Variants in PSME4 observed in about 807,000 individuals in gnomAD.
PSME4 encodes the protein proteasome activator subunit 4.
In PSME4, 89 loss-of-function variants were observed where a neutral mutation model predicts 253.9. The ratio of observed to expected loss-of-function variants is 0.35; its 90% CI spans 0.30 to 0.42. The LOEUF (loss-of-function observed/expected upper bound fraction) is 0.42. PSME4 is among the 10% of genes least tolerant of loss of function. The probability of loss-of-function intolerance (pLI) is 1.00; values close to 1 mark genes in which losing one functional copy is unlikely to be tolerated. For synonymous variants in PSME4, 851 were observed against 759.2 expected (o/e 1.12, Z -1.99); for missense variants, 2,014 against 2,195.2 (o/e 0.92, Z 1.65).
intron 1 of PSME4, among the ~76,000 whole-genome samples, chr2:53,967,259 A>G (rs755275156): frequency 1.1e-4 from 17 of 152,268 alleles, no homozygotes; most frequent in South Asian, 6.2e-4. Context: ...CCTCTATCAC[A>G]TGGCCAAGTA....
In PSME4 at chr2:53,920,345, C is replaced by T; in HGVS notation, c.2268G>A (p.Trp756Ter). 6.2e-7 allele frequency: 1 copy of T among 1,611,368 alleles called. No individual in the cohort carries two copies. Among genetic ancestry groups the T allele is most frequent in the Non-Finnish European group, 8.5e-7 (1 of 1,178,508 alleles). ...PPSEYFPIKD[W>*]GKPGDLWNLG... ...GATTCCACAAGTCCCCGGGTTTGCC[C>T]CAGTCCTAGAAGAGAACAGCATCTA... Residue 756 changes from tryptophan (W) to a stop codon, truncating the protein, a stop_gained, in exon 19 of 47, where the codon TGG becomes TGA. Transcript: ENST00000404125. LOFTEE classifies it high-confidence loss of function.
intron 43 of PSME4, 187 bp from the exon 44 acceptor site, chr2:53,869,725 G>T: frequency 2.4e-6 from 1 of 411,056 alleles, no homozygotes; most frequent in African/African-American, 2.0e-5. Context: ...GCCTCATAAT[G>T]GATAAAAACT....
chr2:53,930,019 AAATAAATAAAT>A lies in PSME4; in HGVS notation c.1317-1727_1317-1717del, dbSNP rs1668749411. ...GGCAACAGAGCAAGAGTCTGTCTCTAAATAAATAAATAATAAATAAATAAATAAATAAATAA... is the reference window on the plus strand; with the variant it reads ...GGCAACAGAGCAAGAGTCTGTCTCTAAATAAATAAATAAATAAATAAATAA... On this transcript the variant is annotated intron_variant, in intron 10 of 46. Coordinates refer to ENST00000404125, the MANE Select transcript of PSME4 (RefSeq NM_014614.3). 4.6e-5 allele frequency among the ~76,000 whole-genome samples: 7 copies of A among 151,788 alleles called. No individual in the cohort carries two copies. The South Asian group carries it at 1.5e-3, about 32-fold the overall frequency.
rs1667763978 is a variant in PSME4, at chr2:53,910,150, C to T, written c.2517-20G>A. 3 of 1,591,126 alleles carry T rather than the reference C, an allele frequency of 1.9e-6. No homozygotes were observed. The highest frequency in any genetic ancestry group is 1.1e-5 in the South Asian group (1 of 90,628). On this transcript the variant is annotated intron_variant, in intron 20 of 46. Coordinates refer to ENST00000404125, the MANE Select transcript of PSME4 (RefSeq NM_014614.3). ...GGTACTCTGTATAAAAACAAGAGTG[C>T]TTGCATTTATTAATAATACCAATAT...
chr2:53,919,288 A>G (rs757858623), intron 19 of PSME4, 42 bp from the exon 20 acceptor site: 20 of 1,540,416 alleles, frequency 1.3e-5, no homozygotes, highest in Non-Finnish European at 1.7e-5. Flanking sequence ...CCAAATCCCT[A>G]TTTAATAAGC....
chr2:53,909,085 T>C (rs1409001603), intron 21 of PSME4, among the ~76,000 whole-genome samples: 1 of 151,856 alleles, frequency 6.6e-6, no homozygotes, highest in Non-Finnish European at 1.5e-5. Context: ...TAATAAAAAA[T>C]AGATAAAATG....
chr2:53,930,569 TGTAAAAATA>T (rs1668779896), intron 10 of PSME4, among the ~76,000 whole-genome samples: 2 of 152,282 alleles, frequency 1.3e-5, no homozygotes, highest in South Asian at 4.1e-4. Context: ...AAGATGTATA[TGTAAAAATA>T]GGAGAAGTTG....
intron 1 of PSME4, among the ~76,000 whole-genome samples, chr2:53,963,015 A>G (rs534496485): frequency 5.9e-5 from 9 of 151,968 alleles, no homozygotes; most frequent in Admixed American, 5.2e-4. Flanking sequence ...GTGTCAAAAA[A>G]AAAAAAAAAA....
intron 4 of PSME4, among the ~76,000 whole-genome samples, chr2:53,938,808 T>C (rs1450825069): frequency 6.6e-6 from 1 of 152,212 alleles, no homozygotes; most frequent in Non-Finnish European, 1.5e-5. Context: ...TAAGAATACT[T>C]CTGTTGAGTT....
intron 29 of PSME4, 124 bp from the exon 30 acceptor site, chr2:53,898,478 T>A: frequency 1.4e-6 from 1 of 690,746 alleles, no homozygotes; most frequent in Non-Finnish European, 2.4e-6. Flanking sequence ...CACCTGACTG[T>A]AAACGGCCTG....
chr2:53,959,341 A>G (rs1410631798), intron 1 of PSME4, among the ~76,000 whole-genome samples: 1 of 152,038 alleles, frequency 6.6e-6, no homozygotes, highest in Non-Finnish European at 1.5e-5. Context: ...CTACAGCCTA[A>G]GTGACAGAGC....
chr2:53,899,946 C>A lies in PSME4; in HGVS notation c.3357G>T (p.Leu1119Phe). 2 of 1,613,292 alleles carry A rather than the reference C, an allele frequency of 1.2e-6. No homozygotes were observed. The highest frequency in any genetic ancestry group is 1.7e-6 in the Non-Finnish European group (2 of 1,179,344). ...CTTCCTTAATTTTTTCTGGGCTAAGCAATATCTGGTTGATAGAGGGGTTTT... is the reference window on the plus strand; with the variant it reads ...CTTCCTTAATTTTTTCTGGGCTAAGAAATATCTGGTTGATAGAGGGGTTTT... ...QSKNPSINQI[L>F]LSPEKIKEGI... Residue 1119 changes from leucine (L) to phenylalanine (F), a missense_variant, in exon 29 of 47, where the codon TTG becomes TTT. Physicochemically the swap from Leu to Phe is conservative, Grantham distance 22 (BLOSUM62 0). Coordinates refer to ENST00000404125, the MANE Select transcript of PSME4 (RefSeq NM_014614.3).
chr2:53,927,469 G>T lies in PSME4; in HGVS notation c.1518C>A (p.Phe506Leu). The T allele has an allele frequency of 1.3e-6, 2 of 1,586,420 alleles. No individual in the cohort carries two copies. The highest frequency in any genetic ancestry group is 1.7e-6 in the Non-Finnish European group (2 of 1,154,858). ...DFSKCMITFQ[F>L]IATFSTLVPL... Reference sequence around the variant, plus strand: ...GCACCAGAGTAGAAAATGTTGCTATGAACTGGAATGTGATCTGTGGAAACA... The same window carrying T: ...GCACCAGAGTAGAAAATGTTGCTATTAACTGGAATGTGATCTGTGGAAACA... The change falls in exon 12 of 47, where the codon TTC (phenylalanine) becomes TTA (leucine). Residue 506 changes from phenylalanine to leucine, a missense_variant. By Grantham distance (22) the Phe-to-Leu change is conservative. Coordinates refer to ENST00000404125, the MANE Select transcript of PSME4 (RefSeq NM_014614.3).
chr2:53,969,521 C>A (rs536035536), intron 1 of PSME4, among the ~76,000 whole-genome samples: 1 of 152,246 alleles, frequency 6.6e-6, no homozygotes, highest in South Asian at 2.1e-4. Flanking sequence ...CTTGTGTGTT[C>A]ACCCGTCCAT....
chr2:53,949,325 A>T, intron 1 of PSME4, 42 bp from the exon 2 acceptor site: 1 of 1,316,162 alleles, frequency 7.6e-7, no homozygotes, highest in South Asian at 1.5e-5. Context: ...AATAGGTATG[A>T]TGACACATCC....
At chr2:53,914,844 G>A (rs561232922) in intron 20 of PSME4, among the ~76,000 whole-genome samples, 151 of 152,250 alleles carry the variant, frequency 9.9e-4, no homozygotes, top group African/African-American at 3.3e-3. Flanking sequence ...TTGTGCCACC[G>A]CACTCCAGCC....
At chr2:53,900,145 T>G in intron 28 of PSME4, 128 bp from the exon 29 acceptor site, 1 of 882,204 alleles carries the variant, frequency 1.1e-6, no homozygotes, top group African/African-American at 1.7e-5. Flanking sequence ...CGATTCCATT[T>G]ATATGAAATA....
chr2:53,965,839 T>G (rs959943361), intron 1 of PSME4, among the ~76,000 whole-genome samples: 1 of 151,704 alleles, frequency 6.6e-6, no homozygotes, highest in African/African-American at 2.4e-5. Context: ...CCGGCTAACT[T>G]TTTTTTGTAT....
intron 7 of PSME4, among the ~76,000 whole-genome samples, chr2:53,935,336 C>T (rs1216453938): frequency 6.6e-6 from 1 of 152,014 alleles, no homozygotes; most frequent in African/African-American, 2.4e-5. Context: ...TTCTAATGGC[C>T]AAACAACACA....
Sources: gnomAD v4.1 joint callset for allele counts (sites outside exome capture counted in the v4.1 genomes callset) on GRCh38, gnomAD v4.1.1 for gene constraint, MANE v1.5 for transcripts, NCBI Gene and HGNC (gene_info 2026-07-23, HGNC 2026-07-21) for gene names.